The following PCDH15 variants were observed in gnomAD, a reference collection of about 807,000 sequenced individuals.
The protein encoded by PCDH15 is protocadherin-15.
PCDH15 carries 129 observed loss-of-function variants against 178.5 expected under a neutral mutation model. The observed-to-expected ratio is 0.72, with a 90% CI of 0.63 to 0.84. PCDH15 has a LOEUF of 0.84. PCDH15 is among the 40% of genes least tolerant of loss of function. PCDH15 has a pLI of 0.00. For synonymous variants in PCDH15, 800 were observed against 732.0 expected, an observed-to-expected ratio of 1.09 and a Z score of -1.50; for missense variants, 2,230 against 2,099.9, an observed-to-expected ratio of 1.06 and a Z score of -1.21.
intron 15 of PCDH15, among the ~76,000 whole-genome samples, chr10:54,103,901 T>C (rs1011423531): frequency 6.6e-6 from 1 of 152,074 alleles, no homozygotes; most frequent in Non-Finnish European, 1.5e-5. Context: ...GTTCTCCAGA[T>C]TTCTGCTTAT....
At chr10:55,618,301 T>C (rs1843518648) in intron 2 of PCDH15, among the ~76,000 whole-genome samples, 1 of 152,116 alleles carries the variant, frequency 6.6e-6, no homozygotes, top group South Asian at 2.1e-4. Flanking sequence ...TATCCTTTCA[T>C]AGCATTTAAC....
chr10:55,464,658 G>A (rs868404732), intron 2 of PCDH15, among the ~76,000 whole-genome samples: 10 of 127,274 alleles, frequency 7.9e-5, no homozygotes, highest in African/African-American at 9.2e-5. Context: ...ATATATATGT[G>A]TGTGTGTGTG....
intron 2 of PCDH15, among the ~76,000 whole-genome samples, chr10:55,537,226 G>C (rs1010166606): frequency 6.6e-6 from 1 of 151,956 alleles, no homozygotes; most frequent in Non-Finnish European, 1.5e-5. Flanking sequence ...ATAAAAATAC[G>C]TATCCCTAAT....
intron 1 of PCDH15, among the ~76,000 whole-genome samples, chr10:54,709,029 A>C (rs1055600727): frequency 1.7e-4 from 26 of 152,164 alleles, no homozygotes; most frequent in Admixed American, 7.2e-4. Flanking sequence ...TTAGGGAAGA[A>C]TAATTCAAGA....
chr10:54,394,852 AT>A (rs1212305968), intron 3 of PCDH15, among the ~76,000 whole-genome samples: 2 of 152,116 alleles, frequency 1.3e-5, no homozygotes, highest in African/African-American at 4.8e-5. Flanking sequence ...TTTCCCAGGA[AT>A]GTTTCATGCT....
rs141709333 is a variant in PCDH15 at position 54,306,095 on chromosome 10, T to C, written c.876+11176A>G. Among the ~76,000 whole-genome samples the C allele has an allele frequency of 1.7e-3, 254 of 152,026 alleles. 1 individual carries two copies. The highest frequency in any genetic ancestry group is 5.9e-3 in the African/African-American group (247 of 41,524). ...TTTTTCAATGCCATTCTGACCAGAT[T>C]TCGGGCAAACCTGGTAGACACCCAT... On this transcript the variant is annotated intron_variant, in intron 8 of 37. Coordinates refer to ENST00000644397, the MANE Select transcript of PCDH15 (RefSeq NM_001384140.1).
At chr10:54,726,447 TG>T (rs1942541458) in intron 1 of PCDH15, among the ~76,000 whole-genome samples, 1 of 150,880 alleles carries the variant, frequency 6.6e-6, no homozygotes, top group Non-Finnish European at 1.5e-5. Context: ...TGTGTGTGTG[TG>T]TGTGTGTGTG....
intron 2 of PCDH15, among the ~76,000 whole-genome samples, chr10:54,965,125 G>A (rs1443006575): frequency 6.6e-6 from 1 of 152,154 alleles, no homozygotes; most frequent in Non-Finnish European, 1.5e-5. Flanking sequence ...CCATTCATGG[G>A]CAAGGAATGA....
chr10:55,467,110 A>G (rs973604940), intron 2 of PCDH15, among the ~76,000 whole-genome samples: 3 of 152,220 alleles, frequency 2.0e-5, no homozygotes, highest in African/African-American at 7.2e-5. Context: ...GAGTTCCTCA[A>G]TTATAGGTAT....
chr10:55,149,980 A>G (rs1838652084), intron 2 of PCDH15, among the ~76,000 whole-genome samples: 1 of 150,788 alleles, frequency 6.6e-6, no homozygotes, highest in Admixed American at 6.7e-5. Context: ...AGCTAGTCCA[A>G]CTTGGTGGGG....
At chr10:54,542,026 CAA>C (rs995609159) in intron 2 of PCDH15, among the ~76,000 whole-genome samples, 2 of 152,004 alleles carry the variant, frequency 1.3e-5, no homozygotes, top group Admixed American at 6.5e-5. Context: ...ATTTTTGAAA[CAA>C]AAATTATAAG....
At chr10:54,787,650 G>T (rs1393523919) in intron 1 of PCDH15, among the ~76,000 whole-genome samples, 1 of 151,916 alleles carries the variant, frequency 6.6e-6, no homozygotes, top group South Asian at 2.1e-4. Flanking sequence ...TCATGGGGCA[G>T]AAAAACATTC....
At chr10:54,305,915 A>G (rs1428817916) in intron 8 of PCDH15, among the ~76,000 whole-genome samples, 1 of 152,032 alleles carries the variant, frequency 6.6e-6, no homozygotes, top group East Asian at 1.9e-4. Flanking sequence ...AGGAAGCAGG[A>G]GGAAGAGAGG....
intron 2 of PCDH15, among the ~76,000 whole-genome samples, chr10:55,464,098 T>G (rs1294549421): frequency 6.9e-6 from 1 of 144,618 alleles, no homozygotes; most frequent in African/African-American, 2.6e-5. Flanking sequence ...AGAAAAGGAG[T>G]ACTGACACAT....
At chr10:55,375,614 T>G (rs1837377868) in intron 2 of PCDH15, among the ~76,000 whole-genome samples, 1 of 152,102 alleles carries the variant, frequency 6.6e-6, no homozygotes. Context: ...AGTTATCAGA[T>G]TTATTTCCCC....
chr10:54,868,442 C>T (rs1343238273), intron 3 of PCDH15, among the ~76,000 whole-genome samples: 1 of 151,926 alleles, frequency 6.6e-6, no homozygotes, highest in African/African-American at 2.4e-5. Context: ...TTCTTCTCTT[C>T]CTCCTCCCTC....
At chr10:53,898,111 T>C (rs963885388) in intron 26 of PCDH15, among the ~76,000 whole-genome samples, 4 of 150,914 alleles carry the variant, frequency 2.7e-5, no homozygotes, top group East Asian at 2.0e-4. Flanking sequence ...GGACTACAGG[T>C]GCCCACCACC....
rs748762813 is a variant in PCDH15 at position 53,806,878 on chromosome 10, C to A, written c.4924G>T (p.Ala1642Ser). The A allele has an allele frequency of 9.3e-6, 15 of 1,613,724 alleles. No homozygotes were observed. The African/African-American group carries it at 2.0e-4, about 22-fold the overall frequency. ...GGTACATTCTCCTCATGTGTCACTG[C>A]CAACTTGTCTAGTTTCTTAAAGGGC... ...GGPFKKLDKL[A>S]VTHEENVPLN... Residue 1642 changes from alanine (A) to serine (S), a missense_variant, in exon 38 of 38, where the codon GCA (alanine) becomes TCA (serine). Ala to Ser is a moderately conservative substitution (Grantham distance 99). Coordinates refer to ENST00000644397, the MANE Select transcript of PCDH15 (RefSeq NM_001384140.1).
At chr10:54,078,754 A>ATTTT (rs34613457) in intron 17 of PCDH15, among the ~76,000 whole-genome samples, 1 of 148,694 alleles carries the variant, frequency 6.7e-6, no homozygotes, top group African/African-American at 2.5e-5. Flanking sequence ...ATGTCTAACA[A>ATTTT]TTTTTTTTTT....
Sources: allele counts gnomAD v4.1 joint callset (sites outside exome capture counted in the v4.1 genomes callset), GRCh38; gene constraint gnomAD v4.1.1; transcripts MANE v1.5; gene names NCBI Gene and HGNC (gene_info 2026-07-23, HGNC 2026-07-21).